PTPRS: variants seen among roughly 807,000 people sequenced by gnomAD.
The protein encoded by PTPRS is protein tyrosine phosphatase receptor type S.
A neutral mutation model predicts 215.3 loss-of-function variants in PTPRS; 63 were observed. That is an observed-to-expected ratio of 0.29 (90% confidence interval 0.24 to 0.36). The LOEUF (loss-of-function observed/expected upper bound fraction) is 0.36. PTPRS is among the 10% of genes least tolerant of loss of function. The pLI, the probability that PTPRS is intolerant of heterozygous loss-of-function variation, is 1.00. For missense variants in PTPRS, 2,258 were observed against 2,825.8 expected, an observed-to-expected ratio of 0.80 and a Z score of 4.56; for synonymous variants, 1,404 against 1,191.4, an observed-to-expected ratio of 1.18 and a Z score of -3.68.
In PTPRS at chr19:5,244,154, G is replaced by A. The variant is rs376006886; in HGVS notation, c.1317C>T (p.Ser439=). 8.8e-5 allele frequency: 141 copies of A among 1,601,220 alleles called. No individual in the cohort carries two copies. The highest frequency in any genetic ancestry group is 1.2e-4 in the Non-Finnish European group (136 of 1,174,182). ...CCCACTGCACAATCATGGTGGTCGC[G>A]CTGAGCATCCGGGCTTGCACGTTCC... ...APRNVQARML[S]ATTMIVQWEE... The change falls in exon 11 of 38, where the codon AGC becomes AGT. Residue 439 remains serine, a synonymous_variant. Transcript: ENST00000262963. This position sits in a 1 kb window ranked among gnomAD's most constrained non-coding sequence, Gnocchi z 7.2.
intron 13 of PTPRS, among the ~76,000 whole-genome samples, chr19:5,233,877 C>T (rs192504172): frequency 6.2e-4 from 79 of 126,586 alleles, no homozygotes; most frequent in African/African-American, 2.3e-3. Flanking sequence ...ACCTGGGAGG[C>T]GGAAGTTGCA....
chr19:5,215,336 T>C lies in PTPRS; in HGVS notation c.4271A>G (p.Asn1424Ser). 3 of 1,614,156 alleles carry C rather than the reference T, an allele frequency of 1.9e-6. No individual in the cohort carries two copies. The highest frequency in any genetic ancestry group is 2.5e-6 in the Non-Finnish European group (3 of 1,180,012). Residue 1424 changes from asparagine to serine, a missense_variant, in exon 28 of 38, where the codon AAC (asparagine) becomes AGC (serine). This residue lies in a region of PTPRS where 927 missense variants were observed against 1,125.9 expected (regional missense o/e 0.82). Coordinates refer to ENST00000262963, the MANE Select transcript of PTPRS (RefSeq NM_002850.4). ...EVNKPKNRYANVIAYDHSRVI... is the reference protein window; with the variant it reads ...EVNKPKNRYASVIAYDHSRVI... ...ACGGGAGTGGTCATAGGCGATGACGTTGGCATAGCGGTTCTTCGGCTTGTT... is the reference window on the plus strand; with the variant it reads ...ACGGGAGTGGTCATAGGCGATGACGCTGGCATAGCGGTTCTTCGGCTTGTT...
chr19:5,268,401 T>C (rs564019422), intron 4 of PTPRS, among the ~76,000 whole-genome samples: 2 of 152,138 alleles, frequency 1.3e-5, no homozygotes, highest in South Asian at 2.1e-4. Flanking sequence ...AGAATACACA[T>C]GTATTTGCTT....
In PTPRS at chr19:5,205,786, T is replaced by C. The variant is rs2040319642; in HGVS notation, c.*988A>G. Among the ~76,000 whole-genome samples the C allele has an allele frequency of 6.6e-6, 1 of 152,106 alleles. No homozygotes were observed. Among genetic ancestry groups the C allele is most frequent in the African/African-American group, 2.4e-5 (1 of 41,434 alleles). ...GTCCCCGAAGAAGTAGGATCCTCTCTGTCTCCTTGGGGGCGGGAGACGGGG... is the reference window on the plus strand; with the variant it reads ...GTCCCCGAAGAAGTAGGATCCTCTCCGTCTCCTTGGGGGCGGGAGACGGGG... On this transcript the variant is annotated 3_prime_UTR_variant, in exon 38 of 38. Coordinates refer to ENST00000262963, the MANE Select transcript of PTPRS (RefSeq NM_002850.4).
chr19:5,335,716 CCA>C (rs1014886621), intron 1 of PTPRS, among the ~76,000 whole-genome samples: 1 of 152,130 alleles, frequency 6.6e-6, no homozygotes, highest in Admixed American at 6.5e-5. Context: ...TGATCCAGCC[CCA>C]GTTACGGCGA....
intron 13 of PTPRS, 131 bp from the exon 14 acceptor site, chr19:5,231,746 C>A: frequency 1.1e-5 from 3 of 275,254 alleles, no homozygotes; most frequent in South Asian, 3.7e-5. Flanking sequence ...AGAACCAAAC[C>A]AAAGAGAAGT....
intron 25 of PTPRS, 79 bp downstream of exon 25, chr19:5,218,341 C>T: frequency 7.3e-7 from 1 of 1,363,246 alleles, no homozygotes. Flanking sequence ...AATGAGGGGC[C>T]CCCAGGGTGG....
chr19:5,295,004 C>T lies in PTPRS; in HGVS notation c.-94-8770G>A, dbSNP rs369606691. ...AGGAGGTTCCCTGTGTCAATGTAGGCGTAGGAGCAACCAGCGTGACCTCCC... is the reference window on the plus strand; with the variant it reads ...AGGAGGTTCCCTGTGTCAATGTAGGTGTAGGAGCAACCAGCGTGACCTCCC... On this transcript the variant is annotated intron_variant, in intron 1 of 37. Coordinates refer to ENST00000262963, the MANE Select transcript of PTPRS (RefSeq NM_002850.4). This position sits in a 1 kb window ranked among gnomAD's most constrained non-coding sequence, Gnocchi z 4.6. 5.9e-5 allele frequency among the ~76,000 whole-genome samples: 9 copies of T among 152,172 alleles called. No individual in the cohort carries two copies. Among genetic ancestry groups the T allele is most frequent in the Admixed American group, 5.9e-4 (9 of 15,276 alleles).
intron 13 of PTPRS, among the ~76,000 whole-genome samples, chr19:5,235,253 T>C (rs2043347538): frequency 6.6e-6 from 1 of 152,166 alleles, no homozygotes; most frequent in Non-Finnish European, 1.5e-5. Flanking sequence ...AGTTTTCATT[T>C]CTTAAGCACC....
At position 5,273,308 on chromosome 19, in the gene PTPRS, G is replaced by T. The variant is rs1370224155; in HGVS notation, c.379+134C>A. 11 of 1,249,422 alleles carry T rather than the reference G, an allele frequency of 8.8e-6. No individual in the cohort carries two copies. In the Admixed American group the frequency reaches 1.0e-4, roughly 12 times the overall value. 77.4% of individuals were successfully genotyped at this position (1,249,422 alleles called of 1,614,324 possible). The stretch of plus-strand genomic sequence containing the variant: ...TGGGCCCTGAGACTGTTACTGGTTG[G>T]ATAAGGGAGATCAAGGTCCTCCCAA... On this transcript the variant is annotated intron_variant, in intron 4 of 37. Transcript: ENST00000262963.
At position 5,339,569 on chromosome 19, in the gene PTPRS, A is replaced by C. The variant is rs1276159962; in HGVS notation, c.-95+1095T>G. On this transcript the variant is annotated intron_variant, in intron 1 of 37. Transcript: ENST00000262963. This position sits in a 1 kb window ranked among gnomAD's most constrained non-coding sequence, Gnocchi z 4.2. ...GGAAATGTCCAGGATTTGTAGGGGG[A>C]GGTCCGAAGGGGAGGATCTTAATTT... Among the ~76,000 whole-genome samples the C allele has an allele frequency of 2.6e-5, 4 of 151,426 alleles. No homozygotes were observed. The highest frequency in any genetic ancestry group is 9.7e-5 in the African/African-American group (4 of 41,152).
chr19:5,208,152 T>A (rs1033626101), intron 36 of PTPRS, 85 bp downstream of exon 36: 8 of 1,566,752 alleles, frequency 5.1e-6, no homozygotes, highest in Non-Finnish European at 6.9e-6. Flanking sequence ...ACAGCCCAGA[T>A]GGGACAGCCT....
chr19:5,271,243 T>A (rs941513969), intron 4 of PTPRS, among the ~76,000 whole-genome samples: 1 of 152,182 alleles, frequency 6.6e-6, no homozygotes, highest in East Asian at 1.9e-4. Context: ...GTAACAAGCA[T>A]CTTACTAAAC....
chr19:5,238,527 C>T lies in PTPRS; in HGVS notation c.1849+392G>A, dbSNP rs138661205. Among the ~76,000 whole-genome samples, 388 of 152,288 alleles carry T rather than the reference C, an allele frequency of 2.5e-3. 1 individual carries two copies. The highest frequency in any genetic ancestry group is 9.0e-3 in the African/African-American group (373 of 41,560). On this transcript the variant is annotated intron_variant, in intron 13 of 37. Coordinates refer to ENST00000262963, the MANE Select transcript of PTPRS (RefSeq NM_002850.4). ...GGTGCGAGCCGTGACCACAGCCTCA[C>T]GGTACCCTCAAAATGCCTGGGAAAT...
At chr19:5,261,096 G>C (rs1255599405) in intron 6 of PTPRS, among the ~76,000 whole-genome samples, 1 of 152,266 alleles carries the variant, frequency 6.6e-6, no homozygotes, top group East Asian at 1.9e-4. Flanking sequence ...ATGGAGTCTA[G>C]AAGCCTCTCT....
At chr19:5,224,118 G>T (rs1017456598) in intron 17 of PTPRS, among the ~76,000 whole-genome samples, 99 of 152,196 alleles carry the variant, frequency 6.5e-4, no homozygotes, top group African/African-American at 2.2e-3. Flanking sequence ...GGCAGAGGTT[G>T]CAGGGAGCCA....
chr19:5,292,203 G>A (rs1356084440), intron 1 of PTPRS, among the ~76,000 whole-genome samples: 2 of 152,124 alleles, frequency 1.3e-5, no homozygotes, highest in Admixed American at 1.3e-4. Flanking sequence ...CTGGATGCCT[G>A]CTGCATAACC....
At chr19:5,215,217 G>C in intron 28 of PTPRS, 72 bp downstream of exon 28, 1 of 1,585,674 alleles carries the variant, frequency 6.3e-7, no homozygotes, top group Non-Finnish European at 8.6e-7. Flanking sequence ...AGTGGCCCAA[G>C]GGGAGACATG....
Position 5,211,985 on chromosome 19 carries a change from C to T in PTPRS, c.5035G>A (p.Gly1679Ser), listed in dbSNP as rs1287877012. Residue 1679 changes from glycine to serine, a missense_variant, in exon 32 of 38, where the codon GGC (glycine) becomes AGC (serine). Transcript: ENST00000262963. ...AQVEPGEHVT[G>S]MELEFKRLAN... Reference sequence around the variant, plus strand: ...GGCACCTTGAACTCGAGTTCCATGCCAGTGACGTGTTCGCCAGGCTCCACC... The same window carrying T: ...GGCACCTTGAACTCGAGTTCCATGCTAGTGACGTGTTCGCCAGGCTCCACC... 3.1e-6 allele frequency: 5 copies of T among 1,609,526 alleles called. No homozygotes were observed. The highest frequency in any genetic ancestry group is 1.7e-5 in the Admixed American group (1 of 59,692).
Sources: allele counts gnomAD v4.1 joint callset (sites outside exome capture counted in the v4.1 genomes callset), GRCh38; gene constraint gnomAD v4.1.1; regional missense constraint gnomAD v4.1.1; non-coding constraint Gnocchi (gnomAD v3.1); transcripts MANE v1.5; gene names NCBI Gene and HGNC (gene_info 2026-07-23, HGNC 2026-07-21).